Variants in PDZRN4 observed in about 807,000 individuals in gnomAD.
PDZRN4 encodes the protein PDZ domain containing ring finger 4.
Under a neutral mutation model 99.0 loss-of-function variants are expected in PDZRN4, and 70 were observed. The ratio of observed to expected loss-of-function variants is 0.71; its 90% CI spans 0.58 to 0.86. PDZRN4 has a LOEUF of 0.86. PDZRN4 is among the 40% of genes least tolerant of loss of function. PDZRN4 has a pLI of 0.00. For missense variants in PDZRN4, 1,474 were observed against 1,331.2 expected (o/e 1.11, Z -1.67); for synonymous variants, 551 against 501.6 (o/e 1.10, Z -1.32).
rs1039351831 is a variant in PDZRN4, at chr12:41,479,050, G to GT, written c.844-27398dup. Among the ~76,000 whole-genome samples, 8 of 152,114 alleles carry GT rather than the reference G, an allele frequency of 5.3e-5. No homozygotes were observed. In the East Asian group the frequency reaches 9.7e-4, roughly 18 times the overall value. ...TTCAAGTAGTTGTGAAAAAAAGTAA[G>GT]TTTTTTTTCTTGTTAATGAAATCCA... is the stretch of plus-strand genomic sequence containing the variant. On this transcript the variant is annotated intron_variant, in intron 3 of 9. Coordinates refer to ENST00000402685, the MANE Select transcript of PDZRN4 (RefSeq NM_001164595.2).
intron 7 of PDZRN4, among the ~76,000 whole-genome samples, chr12:41,559,541 T>C (rs570145460): frequency 9.2e-5 from 14 of 152,186 alleles, no homozygotes; most frequent in Non-Finnish European, 1.8e-4. Context: ...CTCCTTGGGA[T>C]GGTAAACCTG....
chr12:41,310,256 TTG>T (rs67129655), intron 3 of PDZRN4, among the ~76,000 whole-genome samples: 116,223 of 149,968 alleles, frequency 0.77, 45,897 homozygotes, highest in Non-Finnish European at 0.88. Flanking sequence ...TCATTTTTGT[TTG>T]TGTGTGTGTG....
chr12:41,333,558 G>A (rs1193979439), intron 3 of PDZRN4, among the ~76,000 whole-genome samples: 1 of 152,052 alleles, frequency 6.6e-6, no homozygotes, highest in East Asian at 1.9e-4. Context: ...TCTACCTCCT[G>A]TCCAATCTTC....
intron 5 of PDZRN4, among the ~76,000 whole-genome samples, chr12:41,541,555 A>G (rs1159727321): frequency 1.3e-5 from 2 of 149,376 alleles, no homozygotes; most frequent in African/African-American, 4.9e-5. Context: ...CTGGATTCAC[A>G]CCATTCTCCA....
intron 4 of PDZRN4, among the ~76,000 whole-genome samples, chr12:41,508,162 A>T (rs1453644622): frequency 6.6e-6 from 1 of 152,152 alleles, no homozygotes; most frequent in Non-Finnish European, 1.5e-5. Context: ...GGGAACAGAT[A>T]TTAAGTAACA....
chr12:41,337,626 T>C lies in PDZRN4; in HGVS notation c.843+143438T>C, dbSNP rs575639029. On this transcript the variant is annotated intron_variant, in intron 3 of 9. Coordinates refer to ENST00000402685, the MANE Select transcript of PDZRN4 (RefSeq NM_001164595.2). ...AATTTCATAGACTTCCAGTTTGTTATACAATAATTATCACCTGATCTCAGT... is the reference window on the plus strand; with the variant it reads ...AATTTCATAGACTTCCAGTTTGTTACACAATAATTATCACCTGATCTCAGT... Among the ~76,000 whole-genome samples the C allele has an allele frequency of 3.3e-5, 5 of 152,278 alleles. No individual in the cohort carries two copies. The South Asian group carries it at 8.3e-4, about 25-fold the overall frequency.
At chr12:41,430,079 G>A (rs1302387802) in intron 3 of PDZRN4, among the ~76,000 whole-genome samples, 1 of 152,144 alleles carries the variant, frequency 6.6e-6, no homozygotes, top group Non-Finnish European at 1.5e-5. Flanking sequence ...AAATGTCACT[G>A]GACTCCCTGT....
intron 1 of PDZRN4, among the ~76,000 whole-genome samples, chr12:41,190,695 C>A (rs1206860526): frequency 6.6e-6 from 1 of 152,200 alleles, no homozygotes; most frequent in East Asian, 1.9e-4. Flanking sequence ...TGAATGTTAT[C>A]ATTCAGAAAT....
At chr12:41,196,669 A>C (rs553658384) in intron 3 of PDZRN4, among the ~76,000 whole-genome samples, 1 of 152,190 alleles carries the variant, frequency 6.6e-6, no homozygotes, top group South Asian at 2.1e-4. Flanking sequence ...GTAATCATTA[A>C]AGTTAGAAAT....
Position 41,497,619 on chromosome 12 carries a change from G to A in PDZRN4, c.844-8837G>A, listed in dbSNP as rs11180963. Among the ~76,000 whole-genome samples, 930 of 152,214 alleles carry A rather than the reference G, an allele frequency of 6.1e-3. 40 individuals are homozygous for A. The East Asian group carries it at 0.12, about 20-fold the overall frequency. On this transcript the variant is annotated intron_variant, in intron 3 of 9. Transcript: ENST00000402685. ...TTGAGATATAAAAAGTCTTTTTGTA[G>A]TAATGAAAGAACTCCCACAATTAGC...
At chr12:41,212,073 A>T (rs1266784808) in intron 3 of PDZRN4, among the ~76,000 whole-genome samples, 1 of 151,882 alleles carries the variant, frequency 6.6e-6, no homozygotes, top group Non-Finnish European at 1.5e-5. Context: ...CTGTCAGCCT[A>T]ATGGTGAGAG....
At chr12:41,289,768 C>A (rs1332480423) in intron 3 of PDZRN4, among the ~76,000 whole-genome samples, 2 of 152,186 alleles carry the variant, frequency 1.3e-5, no homozygotes, top group African/African-American at 4.8e-5. Context: ...ATTAGGAAAT[C>A]ATGAAGCACT....
intron 3 of PDZRN4, among the ~76,000 whole-genome samples, chr12:41,343,415 A>T (rs1462238665): frequency 6.6e-6 from 1 of 151,700 alleles, no homozygotes; most frequent in South Asian, 2.1e-4. Context: ...TTTCATTTAC[A>T]TTTTGTATTT....
chr12:41,472,680 G>T (rs1039569884), intron 3 of PDZRN4, among the ~76,000 whole-genome samples: 1 of 152,148 alleles, frequency 6.6e-6, no homozygotes, highest in African/African-American at 2.4e-5. Flanking sequence ...AGTACCAGGT[G>T]TCACTCTAAG....
rs1375541361 is a variant in PDZRN4, at chr12:41,561,829, C to T, written c.1366-1719C>T. Among the ~76,000 whole-genome samples the T allele has an allele frequency of 2.0e-5, 3 of 151,852 alleles. No individual in the cohort carries two copies. In the East Asian group the frequency reaches 5.8e-4, roughly 29 times the overall value. On this transcript the variant is annotated intron_variant, in intron 7 of 9. Transcript: ENST00000402685. ...TATATTACTAAGAATTACCATGAAA[C>T]AGACATAAGCCCTCAAAGTGCAAAT...
chr12:41,227,315 T>G (rs1028337707), intron 3 of PDZRN4, among the ~76,000 whole-genome samples: 1 of 152,092 alleles, frequency 6.6e-6, no homozygotes, highest in Non-Finnish European at 1.5e-5. Flanking sequence ...CCCCATTGCT[T>G]CTCTATATTT....
chr12:41,222,273 T>A (rs1950960321), intron 3 of PDZRN4, among the ~76,000 whole-genome samples: 1 of 152,162 alleles, frequency 6.6e-6, no homozygotes, highest in Non-Finnish European at 1.5e-5. Flanking sequence ...CTTATTTAAC[T>A]TTTTAAAAAA....
chr12:41,491,452 G>C (rs1317583778), intron 3 of PDZRN4, among the ~76,000 whole-genome samples: 8 of 152,136 alleles, frequency 5.3e-5, no homozygotes, highest in Non-Finnish European at 1.0e-4. Context: ...AACCTGTGAG[G>C]TGGAGGTTGC....
intron 5 of PDZRN4, among the ~76,000 whole-genome samples, chr12:41,521,876 A>G (rs285572): frequency 0.23 from 34,999 of 151,960 alleles, 5,672 homozygotes; most frequent in African/African-American, 0.46. Context: ...ATTAAAACTA[A>G]TACATCCTAC....
Sources: allele counts gnomAD v4.1 joint callset (sites outside exome capture counted in the v4.1 genomes callset), GRCh38; gene constraint gnomAD v4.1.1; transcripts MANE v1.5; gene names NCBI Gene and HGNC (gene_info 2026-07-23, HGNC 2026-07-21).